ANK1: variants seen among roughly 807,000 people sequenced by gnomAD.
The protein encoded by ANK1 is ankyrin-1.
In ANK1, 51 loss-of-function variants were observed where a neutral mutation model predicts 210.4. The ratio of observed to expected loss-of-function variants is 0.24; its 90% CI spans 0.19 to 0.31. The LOEUF (loss-of-function observed/expected upper bound fraction) is 0.31. Ranked by LOEUF, ANK1 falls within the 10% of genes least tolerant of loss-of-function variation. ANK1 has a pLI of 1.00. For synonymous variants in ANK1, 967 were observed against 1,025.9 expected, an observed-to-expected ratio of 0.94 and a Z score of 1.10; for missense variants, 2,051 against 2,504.4, an observed-to-expected ratio of 0.82 and a Z score of 3.86.
In ANK1 at chr8:41,749,900, C is replaced by T. The variant is rs537394883; in HGVS notation, c.129+8136G>A. On this transcript the variant is annotated intron_variant, in intron 2 of 42. Transcript: ENST00000289734. ...GTGCTGGGATTACAGGCGTGAGCCA[C>T]CACGCCCAGCCTCATCTTGGACTTC... 5.8e-4 allele frequency among the ~76,000 whole-genome samples: 88 copies of T among 152,352 alleles called. 1 individual carries two copies. The South Asian group carries it at 0.014, about 24-fold the overall frequency.
intron 38 of ANK1, among the ~76,000 whole-genome samples, chr8:41,669,855 C>G (rs1459766748): frequency 2.0e-5 from 3 of 152,192 alleles, no homozygotes; most frequent in African/African-American, 4.8e-5. Flanking sequence ...TTACCCTGCT[C>G]ACCATTCCCT....
rs1428777679 is a variant in ANK1, at chr8:41,693,919, G to A, written c.3511C>T (p.Arg1171Cys). 1 of 1,611,500 alleles carries A rather than the reference G, an allele frequency of 6.2e-7. No homozygotes were observed. Among genetic ancestry groups the A allele is most frequent in the Non-Finnish European group, 8.5e-7 (1 of 1,179,094 alleles). Residue 1171 changes from arginine to cysteine, a missense_variant, in exon 29 of 43, where the codon CGC (arginine) becomes TGC (cysteine). Transcript: ENST00000289734. ...DSGEGDTTSL[R>C]LLCSVIGGTD... is the part of the protein sequence containing the mutation. ...TCACCAATGACGCTGCAAAGCAGGC[G>A]CAGGCTGGTGGTGTCTCCCTCCCCG... is the stretch of plus-strand genomic sequence containing the variant.
chr8:41,864,087 A>T (rs1327042129), intron 1 of ANK1, among the ~76,000 whole-genome samples: 1 of 152,068 alleles, frequency 6.6e-6, no homozygotes, highest in Non-Finnish European at 1.5e-5. Context: ...CGTCTCTACT[A>T]AAAATACAAA....
chr8:41,701,112 T>C (rs1337184361), intron 22 of ANK1, among the ~76,000 whole-genome samples: 1 of 152,190 alleles, frequency 6.6e-6, no homozygotes, highest in African/African-American at 2.4e-5. Context: ...CCAAAACCTA[T>C]TGACCCACTA....
intron 1 of ANK1, among the ~76,000 whole-genome samples, chr8:41,816,129 A>G (rs1803286676): frequency 6.6e-6 from 1 of 152,216 alleles, no homozygotes; most frequent in South Asian, 2.1e-4. Flanking sequence ...ATTATTCATA[A>G]AAATTAAATA....
upstream of ANK1, among the ~76,000 whole-genome samples, chr8:41,798,398 C>A (rs3808640): frequency 9.9e-4 from 150 of 152,222 alleles, 1 homozygote; most frequent in East Asian, 0.028. Flanking sequence ...CCGCAAACAG[C>A]GGCTAGGAGG....
chr8:41,809,139 T>C (rs1039684389), intron 1 of ANK1, among the ~76,000 whole-genome samples: 1 of 152,206 alleles, frequency 6.6e-6, no homozygotes, highest in Non-Finnish European at 1.5e-5. Context: ...GGAGTCGTTC[T>C]TAATCTCCAC....
chr8:41,723,062 G>T, intron 9 of ANK1, 63 bp downstream of exon 9: 3 of 1,393,608 alleles, frequency 2.2e-6, no homozygotes, highest in Non-Finnish European at 3.1e-6. Context: ...AGGATTTGAT[G>T]CCAGGTCTGT....
In ANK1 at chr8:41,708,992, C is replaced by T. The variant is rs786205243; in HGVS notation, c.1801-17G>A. On this transcript the variant is annotated splice_polypyrimidine_tract_variant and intron_variant, in intron 16 of 42. Coordinates refer to ENST00000289734, the MANE Select transcript of ANK1 (RefSeq NM_000037.4). ...GTAGCCATTCTGAAACAGAAGAAGC[C>T]GCCCAGAGCCTGGTTACAGGAATGC... The T allele has an allele frequency of 1.2e-6, 2 of 1,613,290 alleles. No individual in the cohort carries two copies. Among genetic ancestry groups the T allele is most frequent in the Non-Finnish European group, 1.7e-6 (2 of 1,180,008 alleles).
At chr8:41,697,076 G>A (rs766766594) in intron 24 of ANK1, among the ~76,000 whole-genome samples, 1 of 37,160 alleles carries the variant, frequency 2.7e-5, no homozygotes, top group Admixed American at 4.8e-4. Flanking sequence ...TGCACCTGCT[G>A]CAGACCCGCC....
Position 41,661,949 on chromosome 8 carries a change from A to G in ANK1, c.5479-8T>C. On this transcript the variant is annotated splice_polypyrimidine_tract_variant and splice_region_variant and intron_variant, in intron 40 of 42. Transcript: ENST00000289734. Reference sequence around the variant, plus strand: ...AACCACCTTGCGAATGATCTAGGAAAGGAAGGGAAGGAGGAAAGGGCTGGT... The same window carrying G: ...AACCACCTTGCGAATGATCTAGGAAGGGAAGGGAAGGAGGAAAGGGCTGGT... 6.2e-7 allele frequency: 1 copy of G among 1,613,394 alleles called. No individual in the cohort carries two copies. The highest frequency in any genetic ancestry group is 8.5e-7 in the Non-Finnish European group (1 of 1,179,900).
chr8:41,814,359 C>CAA lies in ANK1; in HGVS notation c.127-56224_127-56223dup, dbSNP rs34734381. 7.6e-3 allele frequency among the ~76,000 whole-genome samples: 942 copies of CAA among 124,400 alleles called. 13 individuals carry two copies. The highest frequency in any genetic ancestry group is 0.024 in the African/African-American group (838 of 34,716). The allele number at this position is 124,400 out of a possible 152,430, so 81.6% of individuals were successfully genotyped here. A position where few individuals can be genotyped will look rare whatever the true frequency, so the allele number is the denominator to read the frequency against. On this transcript the variant is annotated intron_variant, in intron 1 of 42. Coordinates refer to the ANK1 transcript ENST00000265709. Reference sequence around the variant, plus strand: ...TGGGCAACAGAGCAAGACTCCATCTCAAAAAAAAAAAAAAAAAGTATCCTC... The same window carrying CAA: ...TGGGCAACAGAGCAAGACTCCATCTCAAAAAAAAAAAAAAAAAAAGTATCCTC...
At chr8:41,748,896 G>A (rs1229487882) in intron 2 of ANK1, among the ~76,000 whole-genome samples, 3 of 152,080 alleles carry the variant, frequency 2.0e-5, no homozygotes, top group Non-Finnish European at 2.9e-5. Context: ...TTAGCCGGGC[G>A]TGGTGGCGGG....
chr8:41,729,362 C>T (rs1024610069), intron 3 of ANK1, among the ~76,000 whole-genome samples: 1 of 152,130 alleles, frequency 6.6e-6, no homozygotes, highest in African/African-American at 2.4e-5. Flanking sequence ...AGAAATAAGG[C>T]AGGTTCTGAG....
rs201598401 is a variant in ANK1 at position 41,716,938 on chromosome 8, G to A, written c.1404+15C>T. 1.9e-3 allele frequency: 3,137 copies of A among 1,612,532 alleles called. 17 individuals are homozygous for A. The highest frequency in any genetic ancestry group is 8.9e-3 in the South Asian group (814 of 91,028). ...TCACATCTGAAACCCTTCCCTTCCT[G>A]CCTTCACTACTCACCTTGGCCTTGG... On this transcript the variant is annotated intron_variant, in intron 13 of 42. Coordinates refer to ENST00000289734, the MANE Select transcript of ANK1 (RefSeq NM_000037.4).
intron 16 of ANK1, 102 bp downstream of exon 16, chr8:41,714,054 G>A (rs1176899454): frequency 2.4e-6 from 2 of 818,134 alleles, no homozygotes; most frequent in African/African-American, 1.8e-5. Context: ...GCAACAGAAC[G>A]CAAAACCCTT....
intron 17 of ANK1, among the ~76,000 whole-genome samples, chr8:41,708,342 C>T (rs181389380): frequency 1.3e-5 from 2 of 152,268 alleles, no homozygotes; most frequent in Non-Finnish European, 2.9e-5. Context: ...TCCTCACACA[C>T]CTATTGTTGC....
intron 1 of ANK1, among the ~76,000 whole-genome samples, chr8:41,764,886 A>G (rs1249553413): frequency 6.6e-6 from 1 of 152,232 alleles, no homozygotes; most frequent in East Asian, 1.9e-4. Context: ...CCTCAGAATA[A>G]TCTCACAAGG....
intron 37 of ANK1, among the ~76,000 whole-genome samples, chr8:41,681,237 T>G (rs1815895441): frequency 6.6e-6 from 1 of 152,324 alleles, no homozygotes; most frequent in East Asian, 1.9e-4. Flanking sequence ...TAGACATTAG[T>G]TTGTGTCTGA....
Sources: allele counts gnomAD v4.1 joint callset (sites outside exome capture counted in the v4.1 genomes callset), GRCh38; gene constraint gnomAD v4.1.1; transcripts MANE v1.5; gene names NCBI Gene and HGNC (gene_info 2026-07-23, HGNC 2026-07-21).